LPGAT1: variants seen among roughly 807,000 people sequenced by gnomAD.
The protein encoded by LPGAT1 is acyl-CoA:lysophosphatidylglycerol acyltransferase 1.
In LPGAT1, 11 loss-of-function variants were observed where a neutral mutation model predicts 47.5. The observed-to-expected ratio is 0.23, with a 90% CI of 0.15 to 0.38. The LOEUF (loss-of-function observed/expected upper bound fraction) is 0.38. LPGAT1 is among the 10% of genes least tolerant of loss of function. The pLI is 1.00. For missense variants in LPGAT1, 293 were observed against 439.0 expected, an observed-to-expected ratio of 0.67 and a Z score of 2.97; for synonymous variants, 138 against 144.2, an observed-to-expected ratio of 0.96 and a Z score of 0.31.
At position 211,814,451 on chromosome 1, in the gene LPGAT1, A is replaced by G. The variant is rs536892780; in HGVS notation, c.238+14608T>C. Among the ~76,000 whole-genome samples the G allele has an allele frequency of 7.9e-5, 12 of 152,332 alleles. No individual in the cohort carries two copies. The South Asian group carries it at 1.7e-3, about 21-fold the overall frequency. On this transcript the variant is annotated intron_variant, in intron 2 of 7. Coordinates refer to ENST00000366997, the MANE Select transcript of LPGAT1 (RefSeq NM_014873.3). ...GGGGTTGCAGGAGAGCAGCCTTACT[A>G]AAGAGCTTGGAACAGGACCAGATCC...
intron 6 of LPGAT1, among the ~76,000 whole-genome samples, chr1:211,753,530 C>T (rs73086164): frequency 0.018 from 2,705 of 151,938 alleles, 88 homozygotes; most frequent in African/African-American, 0.061. Context: ...TTTTAAAGAG[C>T]TCCTATTGTT....
intron 2 of LPGAT1, among the ~76,000 whole-genome samples, chr1:211,798,855 A>G (rs1659454185): frequency 6.6e-6 from 1 of 152,198 alleles, no homozygotes. Context: ...AGTGGCCATG[A>G]GAGAGTGGCT....
Position 211,751,703 on chromosome 1 carries a change from AT to A in LPGAT1, c.855-637del, listed in dbSNP as rs558338233. 6.4e-3 allele frequency among the ~76,000 whole-genome samples: 978 copies of A among 152,300 alleles called. 8 individuals are homozygous for A. The highest frequency in any genetic ancestry group is 9.4e-3 in the Non-Finnish European group (636 of 68,016). The stretch of plus-strand genomic sequence containing the variant: ...GGGACAGGCAGCATGAGGACTACAT[AT>A]TTGCTGACCTTGAAAAATAGTTTTA... On this transcript the variant is annotated intron_variant, in intron 6 of 7. Coordinates refer to ENST00000366997, the MANE Select transcript of LPGAT1 (RefSeq NM_014873.3).
intron 2 of LPGAT1, among the ~76,000 whole-genome samples, chr1:211,824,475 G>T (rs997975545): frequency 1.3e-5 from 2 of 152,124 alleles, no homozygotes; most frequent in Admixed American, 6.6e-5. Context: ...TCAGACCCTA[G>T]GGTTATAAGG....
Position 211,806,398 on chromosome 1 carries a change from C to T in LPGAT1, c.239-13208G>A, listed in dbSNP as rs141606709. 9.2e-4 allele frequency among the ~76,000 whole-genome samples: 139 copies of T among 151,240 alleles called. 1 individual carries two copies. In the East Asian group the frequency reaches 0.021, roughly 23 times the overall value. On this transcript the variant is annotated intron_variant, in intron 2 of 7. Coordinates refer to ENST00000366997, the MANE Select transcript of LPGAT1 (RefSeq NM_014873.3). ...ACATGGATACAGCTGGAAGCCATTA[C>T]GCTAAGCAAATTAACACAGAAACAG... is the stretch of plus-strand genomic sequence containing the variant.
chr1:211,778,939 G>A lies in LPGAT1; in HGVS notation c.833C>T (p.Thr278Ile), dbSNP rs1371003316. ...TTACCTGTAATGTACATGTGTGACTGTTGGTTTCCTGTATCCAAGGATCCA... is the reference window on the plus strand; with the variant it reads ...TTACCTGTAATGTACATGTGTGACTATTGGTTTCCTGTATCCAAGGATCCA... ...QTWILGYRKPTVTHVHYRIFP... is the reference protein window; with the variant it reads ...QTWILGYRKPIVTHVHYRIFP... Residue 278 changes from threonine to isoleucine, a missense_variant, in exon 6 of 8, where the codon ACA becomes ATA. Coordinates refer to ENST00000366997, the MANE Select transcript of LPGAT1 (RefSeq NM_014873.3). 9.3e-6 allele frequency: 15 copies of A among 1,605,386 alleles called. No homozygotes were observed. Among genetic ancestry groups the A allele is most frequent in the Non-Finnish European group, 1.3e-5 (15 of 1,176,816 alleles).
At chr1:211,756,627 G>A (rs1390372847) in intron 6 of LPGAT1, among the ~76,000 whole-genome samples, 1 of 152,106 alleles carries the variant, frequency 6.6e-6, no homozygotes, top group African/African-American at 2.4e-5. Flanking sequence ...ACTGTGCTCA[G>A]TCAACTTTTA....
intron 3 of LPGAT1, among the ~76,000 whole-genome samples, chr1:211,788,939 A>G (rs1257664379): frequency 2.0e-5 from 3 of 152,226 alleles, no homozygotes; most frequent in African/African-American, 7.2e-5. Flanking sequence ...TGCTGCTTTT[A>G]TAAAAGCATT....
rs1660703609 is a variant in LPGAT1 at position 211,830,593 on chromosome 1, G to A, written c.-48C>T. 1 of 1,134,998 alleles carries A rather than the reference G, an allele frequency of 8.8e-7. No individual in the cohort carries two copies. The allele number at this position is 1,134,998 out of a possible 1,614,324, so 70.3% of individuals were successfully genotyped here. A position where few individuals can be genotyped will look rare whatever the true frequency, so the allele number is the denominator to read the frequency against. On this transcript the variant is annotated 5_prime_UTR_variant, in exon 1 of 8. Transcript: ENST00000366997. This position sits in a 1 kb window ranked among gnomAD's most constrained non-coding sequence, Gnocchi z 5.9. ...GTTACCTCGGGCTGGCCGGGCCCCA[G>A]CCGGGGCTTTGGGAGTCAGAGGAGC...
chr1:211,807,399 A>G (rs1438272251), intron 2 of LPGAT1, among the ~76,000 whole-genome samples: 7 of 152,340 alleles, frequency 4.6e-5, no homozygotes, highest in African/African-American at 7.2e-5. Context: ...ATTTTTGCAC[A>G]TAAGTGAATT....
Position 211,744,092 on chromosome 1 carries a change from G to T in LPGAT1, c.*5807C>A, listed in dbSNP as rs185842209. ...TCACATTCTTCTAAATCAAAAGTTC[G>T]CTGTGTAGGACTGACATTAATGCTT... On this transcript the variant is annotated 3_prime_UTR_variant, in exon 8 of 8. Coordinates refer to ENST00000366997, the MANE Select transcript of LPGAT1 (RefSeq NM_014873.3). 2 of 152,090 alleles carry T rather than the reference G, an allele frequency of 1.3e-5. No individual in the cohort carries two copies. Among genetic ancestry groups the T allele is most frequent in the Non-Finnish European group, 2.9e-5 (2 of 68,002 alleles). The allele number at this position is 152,090 out of a possible 1,614,324, so 9.4% of individuals were successfully genotyped here.
intron 6 of LPGAT1, among the ~76,000 whole-genome samples, chr1:211,774,251 C>CA (rs1391222557): frequency 2.1e-5 from 3 of 146,104 alleles, no homozygotes; most frequent in African/African-American, 7.6e-5. Context: ...TCTCCCGTCT[C>CA]AGACTCCTGA....
intron 6 of LPGAT1, among the ~76,000 whole-genome samples, chr1:211,756,149 T>C (rs1010790521): frequency 6.6e-6 from 1 of 151,884 alleles, no homozygotes; most frequent in African/African-American, 2.4e-5. Flanking sequence ...GGCAGGAGAA[T>C]TGCTTGAACC....
chr1:211,801,983 G>C (rs1478795052), intron 2 of LPGAT1, among the ~76,000 whole-genome samples: 1 of 151,188 alleles, frequency 6.6e-6, no homozygotes, highest in Non-Finnish European at 1.5e-5. Context: ...AGCTACTTGG[G>C]AAGCTAAGGC....
intron 4 of LPGAT1, among the ~76,000 whole-genome samples, chr1:211,787,029 CAT>C (rs1222773819): frequency 6.8e-6 from 1 of 146,258 alleles, no homozygotes; most frequent in Admixed American, 7.1e-5. Context: ...GCCCAATTCA[CAT>C]AGCTAAGAAA....
At chr1:211,757,945 T>C (rs969115496) in intron 6 of LPGAT1, among the ~76,000 whole-genome samples, 2 of 152,210 alleles carry the variant, frequency 1.3e-5, no homozygotes. Context: ...TAAGTTTGCT[T>C]TGATAGGCTA....
At chr1:211,791,434 T>C (rs1187167822) in intron 3 of LPGAT1, among the ~76,000 whole-genome samples, 1 of 151,728 alleles carries the variant, frequency 6.6e-6, no homozygotes. Flanking sequence ...GCACTTACCC[T>C]CCACTGAAGC....
intron 2 of LPGAT1, among the ~76,000 whole-genome samples, chr1:211,804,763 A>G (rs1659694364): frequency 6.6e-6 from 1 of 152,234 alleles, no homozygotes; most frequent in Non-Finnish European, 1.5e-5. Context: ...TGCTAGACCA[A>G]TAAGTATACA....
In LPGAT1 at chr1:211,820,858, T is replaced by C. The variant is rs990789900; in HGVS notation, c.238+8201A>G. On this transcript the variant is annotated intron_variant, in intron 2 of 7. Transcript: ENST00000366997. Reference sequence around the variant, plus strand: ...TCTAAATATTAAAAAGGCACACATGTACCAGGAAAAATTGAGCTACACAGT... The same window carrying C: ...TCTAAATATTAAAAAGGCACACATGCACCAGGAAAAATTGAGCTACACAGT... Among the ~76,000 whole-genome samples the C allele has an allele frequency of 4.5e-4, 69 of 152,106 alleles. 1 individual carries two copies. Among genetic ancestry groups the C allele is most frequent in the African/African-American group, 1.6e-3 (68 of 41,406 alleles).
Sources: allele counts gnomAD v4.1 joint callset (sites outside exome capture counted in the v4.1 genomes callset), GRCh38; gene constraint gnomAD v4.1.1; non-coding constraint Gnocchi (gnomAD v3.1); transcripts MANE v1.5; gene names NCBI Gene and HGNC (gene_info 2026-07-23, HGNC 2026-07-21).